The following MYO3A variants were observed in gnomAD, a reference collection of about 807,000 sequenced individuals.
The protein encoded by MYO3A is myosin-IIIa.
In MYO3A, 180 loss-of-function variants were observed where a neutral mutation model predicts 192.7. The observed-to-expected ratio is 0.93, with a 90% confidence interval of 0.83 to 1.06. The LOEUF is 1.06. Ranked by LOEUF, MYO3A falls within the 50% of genes least tolerant of loss-of-function variation. MYO3A has a pLI of 0.00. For missense variants in MYO3A, 1,896 were observed against 1,905.0 expected (o/e 1.00, Z 0.09); for synonymous variants, 628 against 645.3 (o/e 0.97, Z 0.41).
At chr10:25,978,236 A>G (rs1839079778) in intron 4 of MYO3A, among the ~76,000 whole-genome samples, 1 of 152,196 alleles carries the variant, frequency 6.6e-6, no homozygotes, top group Non-Finnish European at 1.5e-5. Context: ...TTTATTTGGA[A>G]TAGGAATGAT....
chr10:26,193,103 CTCAG>C, intron 31 of MYO3A, 98 bp from the exon 32 acceptor site: 1 of 938,470 alleles, frequency 1.1e-6, no homozygotes, highest in Non-Finnish European at 1.7e-6. Flanking sequence ...CAGCCTTAGC[CTCAG>C]TCATATGTGT....
intron 32 of MYO3A, among the ~76,000 whole-genome samples, chr10:26,195,825 C>T (rs934294778): frequency 2.0e-5 from 3 of 152,294 alleles, no homozygotes; most frequent in East Asian, 1.9e-4. Context: ...TATATCCTCC[C>T]GAAGAAGCCC....
chr10:26,110,241 A>G (rs1564558924), intron 17 of MYO3A, among the ~76,000 whole-genome samples: 1 of 152,142 alleles, frequency 6.6e-6, no homozygotes, highest in African/African-American at 2.4e-5. Context: ...TTCTATATCT[A>G]CTACACTGCA....
intron 17 of MYO3A, among the ~76,000 whole-genome samples, chr10:26,110,880 T>C (rs1838133197): frequency 1.3e-5 from 2 of 151,342 alleles, no homozygotes; most frequent in Middle Eastern, 3.4e-3. Context: ...TTTTTTTTTT[T>C]TTTTTTAAGA....
chr10:26,044,373 C>T (rs1007250776), intron 10 of MYO3A, among the ~76,000 whole-genome samples: 9 of 152,212 alleles, frequency 5.9e-5, no homozygotes, highest in Non-Finnish European at 1.0e-4. Flanking sequence ...TCTTTGTGGC[C>T]TAGGCTGCCT....
rs919055105 is a variant in MYO3A, at chr10:26,075,778, A to C, written c.1359+5377A>C. The stretch of plus-strand genomic sequence containing the variant: ...ATATATATGTCTCTCTCATATATAT[A>C]TGATATATATGTCTCTCTCATATAT... On this transcript the variant is annotated intron_variant, in intron 14 of 34. Transcript: ENST00000642920. 1.8e-4 allele frequency among the ~76,000 whole-genome samples: 26 copies of C among 147,330 alleles called. 1 individual carries two copies. Among genetic ancestry groups the C allele is most frequent in the African/African-American group, 6.5e-4 (26 of 40,226 alleles).
intron 14 of MYO3A, among the ~76,000 whole-genome samples, chr10:26,085,787 G>C (rs1477979947): frequency 6.6e-6 from 1 of 152,258 alleles, no homozygotes; most frequent in Non-Finnish European, 1.5e-5. Flanking sequence ...AGTGTCCACA[G>C]TAGTGAGAGA....
intron 14 of MYO3A, among the ~76,000 whole-genome samples, chr10:26,081,141 C>CCA (rs1554820903): frequency 9.7e-6 from 1 of 103,148 alleles, no homozygotes; most frequent in Non-Finnish European, 2.4e-5. Context: ...CTTCCCCCCC[C>CCA]CCCCGCCCCC....
intron 4 of MYO3A, among the ~76,000 whole-genome samples, chr10:25,990,741 T>A (rs1378390659): frequency 6.8e-6 from 1 of 146,720 alleles, no homozygotes; most frequent in Non-Finnish European, 1.5e-5. Flanking sequence ...AATTCTTACC[T>A]GTGAGTGAGA....
intron 1 of MYO3A, among the ~76,000 whole-genome samples, chr10:25,934,840 CAGG>C (rs556255384): frequency 2.8e-4 from 43 of 151,754 alleles, no homozygotes; most frequent in African/African-American, 9.9e-4. Flanking sequence ...GAAGTGGAAA[CAGG>C]AGGAGGGAAC....
intron 20 of MYO3A, among the ~76,000 whole-genome samples, chr10:26,142,183 G>A (rs568222898): frequency 6.6e-6 from 1 of 152,284 alleles, no homozygotes; most frequent in African/African-American, 2.4e-5. Flanking sequence ...CAATGAAAAT[G>A]GTCTGTAATT....
chr10:25,952,183 G>A lies in MYO3A; in HGVS notation c.73G>A (p.Glu25Lys), dbSNP rs1837248588. The change falls in exon 3 of 35, where the codon GAG (glutamate) becomes AAG (lysine). Residue 25 changes from glutamate (E) to lysine (K), a missense_variant. Glu to Lys is a moderately conservative substitution (Grantham distance 56). Transcript: ENST00000642920. ...TCCTTCTGATACATGGGAAATCACT[G>A]AGACAATTGGCAAAGGAACTTATGG... ...PDPSDTWEIT[E>K]TIGKGTYGKV... 3 of 1,612,238 alleles carry A rather than the reference G, an allele frequency of 1.9e-6. No homozygotes were observed. The highest frequency in any genetic ancestry group is 2.7e-5 in the African/African-American group (2 of 74,814).
At position 26,073,357 on chromosome 10, in the gene MYO3A, G is replaced by A. The variant is rs191474808; in HGVS notation, c.1359+2956G>A. ...GAGGCCAAGGCGGGTGGATCAAGAG[G>A]TCAGGAGTTCAAGACCATCCTGGCT... On this transcript the variant is annotated intron_variant, in intron 14 of 34. Transcript: ENST00000642920. Among the ~76,000 whole-genome samples the A allele has an allele frequency of 2.4e-4, 37 of 152,162 alleles. No homozygotes were observed. The East Asian group carries it at 6.4e-3, about 26-fold the overall frequency.
At position 26,107,552 on chromosome 10, in the gene MYO3A, G is replaced by A. The variant is rs1430893487; in HGVS notation, c.1776+10870G>A. On this transcript the variant is annotated intron_variant, in intron 17 of 34. Coordinates refer to ENST00000642920, the MANE Select transcript of MYO3A (RefSeq NM_017433.5). ...GACCCTTGGGCCTTTTTGATATTGA[G>A]TCTTTAATTACCTTTCTGATTCTTC... Among the ~76,000 whole-genome samples, 5 of 149,940 alleles carry A rather than the reference G, an allele frequency of 3.3e-5. 1 individual carries two copies. In the South Asian group the frequency reaches 1.0e-3, roughly 31 times the overall value.
At chr10:26,060,921 A>AT (rs1564507771) in intron 10 of MYO3A, among the ~76,000 whole-genome samples, 1 of 142,502 alleles carries the variant, frequency 7.0e-6, no homozygotes, top group Non-Finnish European at 1.6e-5. Context: ...TTTTATTTTT[A>AT]TTTTTATTTT....
chr10:26,000,076 A>G (rs1344143820), intron 6 of MYO3A, among the ~76,000 whole-genome samples: 1 of 152,134 alleles, frequency 6.6e-6, no homozygotes, highest in East Asian at 1.9e-4. Flanking sequence ...CAAAAAACAC[A>G]TCTGATCCTG....
At chr10:25,998,860 A>G (rs949463635) in intron 6 of MYO3A, among the ~76,000 whole-genome samples, 2 of 152,196 alleles carry the variant, frequency 1.3e-5, no homozygotes, top group Admixed American at 6.5e-5. Context: ...ACATATACTT[A>G]GATAACAAAT....
intron 17 of MYO3A, among the ~76,000 whole-genome samples, chr10:26,097,357 AT>A (rs201562460): frequency 7.1e-4 from 107 of 149,708 alleles, no homozygotes; most frequent in Non-Finnish European, 2.1e-4. Flanking sequence ...TCAGTACTTC[AT>A]TTTTTTTTAA....
At chr10:26,049,951 G>A (rs11812816) in intron 10 of MYO3A, among the ~76,000 whole-genome samples, 24,675 of 151,866 alleles carry the variant, frequency 0.16, 2,287 homozygotes, top group Non-Finnish European at 0.21. Flanking sequence ...TGGGATTACA[G>A]GCATGAGCCA....
Sources: allele counts gnomAD v4.1 joint callset (sites outside exome capture counted in the v4.1 genomes callset), GRCh38; gene constraint gnomAD v4.1.1; transcripts MANE v1.5; gene names NCBI Gene and HGNC (gene_info 2026-07-23, HGNC 2026-07-21).